Variants in PCDHA10 observed in about 807,000 individuals in gnomAD.
PCDHA10 encodes protocadherin alpha-10.
PCDHA10 carries 45 observed loss-of-function variants against 61.2 expected under a neutral mutation model. The ratio of observed to expected loss-of-function variants is 0.74; its 90% CI spans 0.58 to 0.94. The LOEUF (loss-of-function observed/expected upper bound fraction) is 0.94. Ranked by LOEUF, PCDHA10 falls within the 40% of genes least tolerant of loss-of-function variation. PCDHA10 has a pLI of 0.00. For missense variants in PCDHA10, 1,278 were observed against 1,236.2 expected, an observed-to-expected ratio of 1.03 and a Z score of -0.51; for synonymous variants, 602 against 548.8, an observed-to-expected ratio of 1.10 and a Z score of -1.35.
chr5:140,875,015 G>T (rs1479954206), intron 1 of PCDHA10, among the ~76,000 whole-genome samples: 3 of 152,170 alleles, frequency 2.0e-5, no homozygotes, highest in African/African-American at 7.2e-5. Flanking sequence ...TAAAGTGTAG[G>T]TTCTGGCCTA....
rs1554150153 is a variant in PCDHA10 at position 140,857,511 on chromosome 5, T to C, written c.1463T>C (p.Leu488Pro). 5 of 1,598,148 alleles carry C rather than the reference T, an allele frequency of 3.1e-6. No homozygotes were observed. In the South Asian group the frequency reaches 5.5e-5, roughly 18 times the overall value. Residue 488 changes from leucine to proline, a missense_variant, in exon 1 of 4, where the codon CTG becomes CCG. Transcript: ENST00000307360. ...GACGCGGACGCGCAGGAGAACGCCC[T>C]GGTGTCCTACTCTCTGGTGGAGCGG... ...AWDADAQENA[L>P]VSYSLVERRL...
chr5:140,971,487 C>G (rs1285006281), intron 1 of PCDHA10, among the ~76,000 whole-genome samples: 1 of 152,110 alleles, frequency 6.6e-6, no homozygotes, highest in African/African-American at 2.4e-5. Flanking sequence ...CACATTGTTA[C>G]AGTGTGGCAA....
intron 1 of PCDHA10, chr5:140,877,791 C>T: frequency 6.2e-7 from 1 of 1,614,022 alleles, no homozygotes. Flanking sequence ...TGGCCTTCAG[C>T]CCAAGCCTTC....
chr5:141,004,148 C>T (rs971282591), intron 3 of PCDHA10, among the ~76,000 whole-genome samples: 1 of 152,222 alleles, frequency 6.6e-6, no homozygotes, highest in African/African-American at 2.4e-5. Context: ...AAAGGCATGA[C>T]ATTTTATAGG....
intron 1 of PCDHA10, among the ~76,000 whole-genome samples, chr5:140,896,034 C>T (rs2065325543): frequency 6.6e-6 from 1 of 152,192 alleles, no homozygotes; most frequent in South Asian, 2.1e-4. Flanking sequence ...TGGTCTCGAA[C>T]TCCTGACCTC....
At chr5:140,878,389 T>A (rs528504145) in intron 1 of PCDHA10, among the ~76,000 whole-genome samples, 1 of 152,360 alleles carries the variant, frequency 6.6e-6, no homozygotes, top group East Asian at 1.9e-4. Flanking sequence ...ATTTTCTTCA[T>A]TGCTCACAAA....
chr5:140,866,646 A>G (rs2049474250), intron 1 of PCDHA10: 1 of 152,112 alleles, frequency 6.6e-6, no homozygotes, highest in Admixed American at 6.5e-5. Context: ...GTCAAAATTT[A>G]TTTATGTGTT....
At chr5:140,991,071 T>A (rs2097430480) in intron 3 of PCDHA10, among the ~76,000 whole-genome samples, 1 of 152,152 alleles carries the variant, frequency 6.6e-6, no homozygotes, top group African/African-American at 2.4e-5. Flanking sequence ...ATTCCCATGT[T>A]TCAGATAAAA....
intron 1 of PCDHA10, among the ~76,000 whole-genome samples, chr5:140,945,046 A>T (rs2093731107): frequency 6.6e-6 from 1 of 152,192 alleles, no homozygotes; most frequent in Non-Finnish European, 1.5e-5. Flanking sequence ...TTGGTCTTAT[A>T]TAAAGAAAAC....
intron 1 of PCDHA10, among the ~76,000 whole-genome samples, chr5:140,958,822 A>G (rs1554223658): frequency 6.6e-6 from 1 of 152,146 alleles, no homozygotes; most frequent in Non-Finnish European, 1.5e-5. Context: ...TTTAATTTTT[A>G]TATCTTAAAG....
At chr5:141,008,698 G>A (rs246582) in intron 3 of PCDHA10, among the ~76,000 whole-genome samples, 2,594 of 152,212 alleles carry the variant, frequency 0.017, 88 homozygotes, top group African/African-American at 0.059. Context: ...GTATTAAGTT[G>A]GTTTCTAGTT....
At chr5:140,946,948 T>C (rs1315606645) in intron 1 of PCDHA10, among the ~76,000 whole-genome samples, 2 of 151,534 alleles carry the variant, frequency 1.3e-5, no homozygotes, top group African/African-American at 4.8e-5. Context: ...TTAAGAATAA[T>C]GTATATTTCA....
At position 140,856,940 on chromosome 5, in the gene PCDHA10, AC is replaced by A. The variant is rs782681005; in HGVS notation, c.893del (p.Thr298ArgfsTer4). Reference protein sequence around the residue: ...IRRKFWINERTGEIKVNDAID... With the variant: ...IRRKFWINERXGEIKVNDAID... ...AAGGAAATTTTGGATAAACGAAAGGACGGGAGAAATAAAAGTAAATGATGCT... is the reference window on the plus strand; with the variant it reads ...AAGGAAATTTTGGATAAACGAAAGGAGGGAGAAATAAAAGTAAATGATGCT... On this transcript the variant is annotated frameshift_variant, in exon 1 of 4. Transcript: ENST00000307360. LOFTEE classifies it high-confidence loss of function. The A allele has an allele frequency of 1.9e-5, 30 of 1,593,712 alleles. No individual in the cohort carries two copies. In the South Asian group the frequency reaches 3.3e-4, roughly 18 times the overall value.
At chr5:140,998,850 A>G (rs904977478) in intron 3 of PCDHA10, among the ~76,000 whole-genome samples, 18 of 152,234 alleles carry the variant, frequency 1.2e-4, no homozygotes, top group Non-Finnish European at 2.1e-4. Context: ...GGTGTGAGCC[A>G]CATGCCTGGC....
chr5:140,863,307 C>T (rs782595794), intron 1 of PCDHA10: 9 of 1,462,494 alleles, frequency 6.2e-6, no homozygotes, highest in Non-Finnish European at 6.5e-6. Context: ...TCGCCATCTG[C>T]GTGGTGTCCA....
At chr5:140,885,424 A>G (rs1311599501) in intron 1 of PCDHA10, among the ~76,000 whole-genome samples, 4 of 152,148 alleles carry the variant, frequency 2.6e-5, no homozygotes, top group African/African-American at 7.2e-5. Context: ...AGTATTCCAC[A>G]GTGTAAGTGT....
At chr5:140,879,208 A>C (rs546096733) in intron 1 of PCDHA10, among the ~76,000 whole-genome samples, 1 of 152,362 alleles carries the variant, frequency 6.6e-6, no homozygotes, top group East Asian at 1.9e-4. Context: ...ATGGCAGTAG[A>C]AATGAATTGA....
chr5:140,942,280 C>T (rs1157451404), intron 1 of PCDHA10, among the ~76,000 whole-genome samples: 6 of 152,030 alleles, frequency 3.9e-5, no homozygotes, highest in African/African-American at 1.5e-4. Context: ...AATGGTGGCT[C>T]ATGCCTGTAA....
At chr5:140,901,952 C>T (rs1427349795) in intron 1 of PCDHA10, among the ~76,000 whole-genome samples, 6 of 151,888 alleles carry the variant, frequency 4.0e-5, no homozygotes, top group Non-Finnish European at 8.8e-5. Context: ...TAGTTTTATT[C>T]GTGGCTATCG....
Sources: allele counts gnomAD v4.1 joint callset (sites outside exome capture counted in the v4.1 genomes callset), GRCh38; gene constraint gnomAD v4.1.1; transcripts MANE v1.5; gene names NCBI Gene and HGNC (gene_info 2026-07-23, HGNC 2026-07-21).